Variants in PRDM5 observed in about 807,000 individuals in gnomAD.
The protein encoded by PRDM5 is PR/SET domain 5.
In PRDM5, 56 loss-of-function variants were observed where a neutral mutation model predicts 81.2. That is an observed-to-expected ratio of 0.69 (90% CI 0.56 to 0.86). PRDM5 has a LOEUF of 0.86. PRDM5 is among the 40% of genes least tolerant of loss of function. The pLI is 0.00. For synonymous variants in PRDM5, 267 were observed against 256.4 expected, an observed-to-expected ratio of 1.04 and a Z score of -0.39; for missense variants, 697 against 770.1, an observed-to-expected ratio of 0.91 and a Z score of 1.12.
intron 14 of PRDM5, among the ~76,000 whole-genome samples, chr4:120,727,813 G>A (rs1315330287): frequency 6.6e-6 from 1 of 151,980 alleles, no homozygotes; most frequent in Admixed American, 6.6e-5. Context: ...GCTCACGTCT[G>A]TAATCCCAGC....
At chr4:120,833,674 T>C (rs1756986677) in intron 3 of PRDM5, among the ~76,000 whole-genome samples, 2 of 152,126 alleles carry the variant, frequency 1.3e-5, no homozygotes, top group African/African-American at 4.8e-5. Flanking sequence ...TTAGTTAAGA[T>C]GGAAAAGGCA....
chr4:120,833,576 A>G (rs1236817648), intron 3 of PRDM5, among the ~76,000 whole-genome samples: 1 of 152,198 alleles, frequency 6.6e-6, no homozygotes, highest in Non-Finnish European at 1.5e-5. Context: ...TGAATCTTCT[A>G]CCATAACATT....
intron 13 of PRDM5, among the ~76,000 whole-genome samples, chr4:120,757,414 C>T (rs1363012791): frequency 1.3e-5 from 2 of 152,210 alleles, no homozygotes; most frequent in Non-Finnish European, 1.5e-5. Flanking sequence ...TATCCAGATT[C>T]GTCTAAAGTA....
At chr4:120,813,742 T>G (rs1578844787) in intron 7 of PRDM5, among the ~76,000 whole-genome samples, 2 of 152,296 alleles carry the variant, frequency 1.3e-5, no homozygotes, top group East Asian at 1.9e-4. Context: ...AGAAAGAATA[T>G]TCCCTCTTTT....
intron 14 of PRDM5, 77 bp downstream of exon 14, chr4:120,754,476 T>C (rs1045226173): frequency 3.0e-6 from 3 of 997,440 alleles, no homozygotes; most frequent in African/African-American, 1.6e-5. Context: ...TATTTTGTAA[T>C]ATAAAGTTAA....
intron 3 of PRDM5, among the ~76,000 whole-genome samples, chr4:120,841,385 C>A (rs928558149): frequency 6.6e-6 from 1 of 152,104 alleles, no homozygotes; most frequent in Non-Finnish European, 1.5e-5. Flanking sequence ...TCTATTCAGG[C>A]ACTGGATGTA....
At position 120,922,517 on chromosome 4, in the gene PRDM5, T is replaced by A; in HGVS notation, c.92A>T (p.Lys31Met). ...GCAGGCCGCCGCCGGGTCACCCACC[T>A]TTCGCACTCTGCGGGCCGTGTAGAG... ...MGLYTARRVRKGEKFGPFAGE... is the reference protein window; with the variant it reads ...MGLYTARRVRMGEKFGPFAGE... Residue 31 changes from lysine to methionine, a missense_variant and splice_region_variant, in exon 1 of 16, where the codon AAG becomes ATG. Physicochemically the swap from Lys to Met is moderately conservative, Grantham distance 95. Coordinates refer to ENST00000264808, the MANE Select transcript of PRDM5 (RefSeq NM_018699.4). 1 of 1,602,502 alleles carries A rather than the reference T, an allele frequency of 6.2e-7. No individual in the cohort carries two copies. The highest frequency in any genetic ancestry group is 8.5e-7 in the Non-Finnish European group (1 of 1,175,416).
intron 14 of PRDM5, among the ~76,000 whole-genome samples, chr4:120,714,885 A>G (rs1313409602): frequency 1.3e-5 from 2 of 152,158 alleles, no homozygotes; most frequent in East Asian, 3.9e-4. Context: ...CAGATATTGT[A>G]AGTCTGAACT....
intron 2 of PRDM5, among the ~76,000 whole-genome samples, chr4:120,864,626 C>T (rs1193982961): frequency 1.2e-4 from 18 of 152,138 alleles, no homozygotes. Flanking sequence ...ATTGATATCT[C>T]TGAGTGTCAT....
chr4:120,770,043 TA>T (rs1747024041), intron 13 of PRDM5, among the ~76,000 whole-genome samples: 1 of 150,502 alleles, frequency 6.6e-6, no homozygotes, highest in African/African-American at 2.4e-5. Flanking sequence ...TTTGTTTGTT[TA>T]TTTTTTGAGG....
Position 120,922,663 on chromosome 4 carries a change from A to G in PRDM5, c.-55T>C. On this transcript the variant is annotated 5_prime_UTR_variant, in exon 1 of 16. Transcript: ENST00000264808. ...TCAACACCGGCGCTTAGCGCCCGGC[A>G]GGCGGCACATCGAAATTTGGGGTGC... The G allele has an allele frequency of 1.3e-6, 2 of 1,563,104 alleles. No homozygotes were observed. Among genetic ancestry groups the G allele is most frequent in the East Asian group, 2.4e-5 (1 of 42,382 alleles).
At chr4:120,876,657 A>C (rs343200) in intron 2 of PRDM5, among the ~76,000 whole-genome samples, 38,591 of 152,080 alleles carry the variant, frequency 0.25, 5,638 homozygotes, top group African/African-American at 0.39. Context: ...AATGAATCCC[A>C]CATCAGATAT....
intron 13 of PRDM5, 117 bp from the exon 14 acceptor site, chr4:120,754,755 G>A: frequency 1.3e-6 from 1 of 764,672 alleles, no homozygotes; most frequent in Non-Finnish European, 2.3e-6. Flanking sequence ...GCTACTTCAA[G>A]AAGTGGCTCC....
At chr4:120,704,040 G>A (rs186158626) in intron 15 of PRDM5, among the ~76,000 whole-genome samples, 54 of 152,262 alleles carry the variant, frequency 3.5e-4, no homozygotes, top group Middle Eastern at 3.4e-3. Context: ...ATGGGAAAAT[G>A]AGAGCAATGG....
chr4:120,740,899 G>A (rs963811652), intron 14 of PRDM5, among the ~76,000 whole-genome samples: 1 of 152,152 alleles, frequency 6.6e-6, no homozygotes, highest in African/African-American at 2.4e-5. Flanking sequence ...CTCAACATAA[G>A]TCATCCTTCA....
chr4:120,853,785 T>C (rs1406304846), intron 2 of PRDM5, among the ~76,000 whole-genome samples: 3 of 152,324 alleles, frequency 2.0e-5, no homozygotes, highest in South Asian at 2.1e-4. Context: ...CCTACGTTGA[T>C]AGTTGTTTTC....
At chr4:120,832,119 G>A (rs1185303066) in intron 3 of PRDM5, among the ~76,000 whole-genome samples, 2 of 152,060 alleles carry the variant, frequency 1.3e-5, no homozygotes, top group South Asian at 2.1e-4. Flanking sequence ...CCATTCTCAC[G>A]CTGCTATGAA....
intron 2 of PRDM5, among the ~76,000 whole-genome samples, chr4:120,863,939 G>A (rs1189931718): frequency 6.6e-6 from 1 of 152,178 alleles, no homozygotes; most frequent in Admixed American, 6.5e-5. Context: ...GGCTGGAGCA[G>A]CAAAATCAAA....
chr4:120,742,324 G>C (rs2073352759), intron 14 of PRDM5, among the ~76,000 whole-genome samples: 1 of 152,160 alleles, frequency 6.6e-6, no homozygotes, highest in Admixed American at 6.5e-5. Context: ...CCACAAAGAT[G>C]GGGAAAAAAC....
Sources: allele counts gnomAD v4.1 joint callset (sites outside exome capture counted in the v4.1 genomes callset), GRCh38; gene constraint gnomAD v4.1.1; transcripts MANE v1.5; gene names NCBI Gene and HGNC (gene_info 2026-07-23, HGNC 2026-07-21).